ZNF573: variants seen among roughly 807,000 people sequenced by gnomAD.
ZNF573 encodes the protein zinc finger protein 573.
A neutral mutation model predicts 57.4 loss-of-function variants in ZNF573; 41 were observed. That is an observed-to-expected ratio of 0.71 (90% CI 0.56 to 0.93). ZNF573 has a LOEUF of 0.93. Ranked by LOEUF, ZNF573 falls within the 40% of genes least tolerant of loss-of-function variation. ZNF573 has a pLI of 0.00. For synonymous variants in ZNF573, 249 were observed against 261.0 expected (o/e 0.95, Z 0.44); for missense variants, 730 against 794.8 (o/e 0.92, Z 0.98).
intron 4 of ZNF573, among the ~76,000 whole-genome samples, chr19:37,756,536 G>A (rs2045489823): frequency 6.6e-6 from 1 of 152,162 alleles, no homozygotes; most frequent in South Asian, 2.1e-4. Flanking sequence ...AGAGGTCTCT[G>A]TGGAATCTTT....
At chr19:37,746,498 G>T (rs2909107) in intron 4 of ZNF573, among the ~76,000 whole-genome samples, 4,096 of 152,230 alleles carry the variant, frequency 0.027, 193 homozygotes, top group African/African-American at 0.092. Flanking sequence ...TTTAGCTTCA[G>T]ATGCATACAA....
chr19:37,761,644 G>C (rs1242491725), intron 4 of ZNF573, among the ~76,000 whole-genome samples: 1 of 152,194 alleles, frequency 6.6e-6, no homozygotes, highest in Non-Finnish European at 1.5e-5. Context: ...CGGAAGGAAG[G>C]AATACGTGTT....
chr19:37,753,460 T>C lies in ZNF573; in HGVS notation c.296-13266A>G, dbSNP rs959929476. Among the ~76,000 whole-genome samples, 12 of 152,230 alleles carry C rather than the reference T, an allele frequency of 7.9e-5. No individual in the cohort carries two copies. In the Middle Eastern group the frequency reaches 0.01, roughly 130 times the overall value. On this transcript the variant is annotated intron_variant, in intron 4 of 4. Coordinates refer to ENST00000536220, the MANE Select transcript of ZNF573 (RefSeq NM_001172690.2). ...TTGTTGCGCTATCAAATACTAGATC[T>C]TATTTATCACAGTAAATTTTTTTTT...
At position 37,739,921 on chromosome 19, in the gene ZNF573, T is replaced by C. The variant is rs1233883606; in HGVS notation, c.569A>G (p.Tyr190Cys). Reference protein sequence around the residue: ...HQRFHTGEKPYECTECGKNFR... With the variant: ...HQRFHTGEKPCECTECGKNFR... ...GTTCTTCCCACATTCTGTACATTCA[T>C]AGGGTTTCTCACCAGTATGAAATCT... Residue 190 changes from tyrosine (Y) to cysteine (C), a missense_variant, in exon 5 of 5, where the codon TAT becomes TGT. Coordinates refer to ENST00000536220, the MANE Select transcript of ZNF573 (RefSeq NM_001172690.2). The C allele has an allele frequency of 1.9e-6, 3 of 1,614,150 alleles. No homozygotes were observed. Among genetic ancestry groups the C allele is most frequent in the Non-Finnish European group, 2.5e-6 (3 of 1,180,012 alleles).
chr19:37,761,254 T>C (rs76188793), intron 4 of ZNF573, among the ~76,000 whole-genome samples: 2,301 of 152,174 alleles, frequency 0.015, 48 homozygotes, highest in East Asian at 0.051. Context: ...CTAAAATCTG[T>C]GGTGGGGATC....
chr19:37,741,383 A>G (rs1479073463), intron 4 of ZNF573, among the ~76,000 whole-genome samples: 1 of 152,094 alleles, frequency 6.6e-6, no homozygotes, highest in African/African-American at 2.4e-5. Flanking sequence ...TTCCCACCTC[A>G]GCCTCTCAAG....
intron 4 of ZNF573, among the ~76,000 whole-genome samples, chr19:37,743,098 C>A (rs1169690157): frequency 6.6e-6 from 1 of 152,090 alleles, no homozygotes; most frequent in East Asian, 1.9e-4. Flanking sequence ...GCGGGTGGAT[C>A]ACGAGGTCAG....
At chr19:37,740,520 T>C in intron 4 of ZNF573, 1 of 460,096 alleles carries the variant, frequency 2.2e-6, no homozygotes, top group South Asian at 1.6e-5. Flanking sequence ...ATCTTTATTT[T>C]GAACCTATCA....
At chr19:37,752,403 T>C (rs555456248) in intron 4 of ZNF573, among the ~76,000 whole-genome samples, 5 of 152,226 alleles carry the variant, frequency 3.3e-5, no homozygotes, top group South Asian at 2.1e-4. Context: ...TAGGATGGAA[T>C]AGAATATTAT....
At chr19:37,757,427 G>A (rs372726713) in intron 4 of ZNF573, among the ~76,000 whole-genome samples, 1 of 151,986 alleles carries the variant, frequency 6.6e-6, no homozygotes, top group East Asian at 1.9e-4. Context: ...TCGATCTCCC[G>A]ACCTCGTGAT....
intron 4 of ZNF573, among the ~76,000 whole-genome samples, chr19:37,744,726 G>GC (rs2045361900): frequency 8.3e-6 from 1 of 120,050 alleles, no homozygotes; most frequent in Non-Finnish European, 1.6e-5. Flanking sequence ...AGGCAACAGA[G>GC]CAAGACCCTA....
At position 37,740,209 on chromosome 19, in the gene ZNF573, G is replaced by T; in HGVS notation, c.296-15C>A. 6.6e-7 allele frequency: 1 copy of T among 1,526,544 alleles called. No individual in the cohort carries two copies. The highest frequency in any genetic ancestry group is 8.8e-7 in the Non-Finnish European group (1 of 1,141,476). The allele number at this position is 1,526,544 out of a possible 1,614,324, so 94.6% of individuals were successfully genotyped here. A position where few individuals can be genotyped will look rare whatever the true frequency, so the allele number is the denominator to read the frequency against. Reference sequence around the variant, plus strand: ...TAAATCCAAATCTGAAACAAAAGAGGACAACAAAAAAAATTTGTATTTCTA... The same window carrying T: ...TAAATCCAAATCTGAAACAAAAGAGTACAACAAAAAAAATTTGTATTTCTA... On this transcript the variant is annotated splice_polypyrimidine_tract_variant and intron_variant, in intron 4 of 4. Coordinates refer to ENST00000536220, the MANE Select transcript of ZNF573 (RefSeq NM_001172690.2).
intron 4 of ZNF573, among the ~76,000 whole-genome samples, chr19:37,751,960 G>A (rs1196155707): frequency 8.0e-6 from 1 of 125,596 alleles, no homozygotes. Flanking sequence ...ACATAGTATC[G>A]TATATATACT....
rs1274293501 is a variant in ZNF573, at chr19:37,751,728, A to G, written c.296-11534T>C. ...GTATATAGTACATAGTACCGTATAT[A>G]TACTGTATATAGTACATAGTACCGT... is the stretch of plus-strand genomic sequence containing the variant. On this transcript the variant is annotated intron_variant, in intron 4 of 4. Coordinates refer to ENST00000536220, the MANE Select transcript of ZNF573 (RefSeq NM_001172690.2). Among the ~76,000 whole-genome samples, 26 of 136,352 alleles carry G rather than the reference A, an allele frequency of 1.9e-4. 1 individual carries two copies. Among genetic ancestry groups the G allele is most frequent in the African/African-American group, 7.0e-4 (26 of 37,334 alleles). 89.5% of individuals were successfully genotyped at this position (136,352 alleles called of 152,430 possible).
rs756220666 is a variant in ZNF573 at position 37,738,977 on chromosome 19, T to C, written c.1513A>G (p.Lys505Glu). Residue 505 changes from lysine (K) to glutamate (E), a missense_variant, in exon 5 of 5, where the codon AAG becomes GAG. Coordinates refer to ENST00000536220, the MANE Select transcript of ZNF573 (RefSeq NM_001172690.2). ...AGATATCCATGCAAGCTAAAGGTCT[T>C]GCCACATTCCTTACATTTATAGGGT... The part of the protein sequence containing the change: ...EKPYKCKECG[K>E]TFSLHGYLNQ... 43 of 1,613,920 alleles carry C rather than the reference T, an allele frequency of 2.7e-5. 2 individuals are homozygous for C. The Middle Eastern group carries it at 3.5e-3, about 130-fold the overall frequency.
chr19:37,753,224 T>C (rs777435842), intron 4 of ZNF573, among the ~76,000 whole-genome samples: 1 of 152,140 alleles, frequency 6.6e-6, no homozygotes, highest in Non-Finnish European at 1.5e-5. Flanking sequence ...AATTTTATTA[T>C]TATTTTAATT....
At chr19:37,745,278 T>C (rs1243929818) in intron 4 of ZNF573, among the ~76,000 whole-genome samples, 2 of 152,108 alleles carry the variant, frequency 1.3e-5, no homozygotes, top group Non-Finnish European at 2.9e-5. Flanking sequence ...GGTTTCGCCA[T>C]GTTGGCCAGG....
At chr19:37,770,273 T>C (rs2045643112) in intron 3 of ZNF573, 176 bp from the exon 4 acceptor site, 3 of 530,484 alleles carry the variant, frequency 5.7e-6, no homozygotes, top group African/African-American at 2.0e-5. Flanking sequence ...CATACACGCG[T>C]GGTCTCTTAG....
At chr19:37,745,837 A>G (rs1568416651) in intron 4 of ZNF573, among the ~76,000 whole-genome samples, 1 of 152,228 alleles carries the variant, frequency 6.6e-6, no homozygotes, top group African/African-American at 2.4e-5. Context: ...CATGGTATGA[A>G]ATAAAGAAAG....
Sources: allele counts gnomAD v4.1 joint callset (sites outside exome capture counted in the v4.1 genomes callset), GRCh38; gene constraint gnomAD v4.1.1; transcripts MANE v1.5; gene names NCBI Gene and HGNC (gene_info 2026-07-23, HGNC 2026-07-21).